The following ARHGAP15 variants were observed in gnomAD, a reference collection of about 807,000 sequenced individuals.
ARHGAP15 encodes rho GTPase-activating protein 15.
Under a neutral mutation model 63.7 loss-of-function variants are expected in ARHGAP15, and 51 were observed. That is an observed-to-expected ratio of 0.80 (90% CI 0.64 to 1.01). The LOEUF is 1.01. ARHGAP15 is among the 50% of genes least tolerant of loss of function. ARHGAP15 has a pLI of 0.00. For missense variants in ARHGAP15, 560 were observed against 564.6 expected (o/e 0.99, Z 0.08); for synonymous variants, 191 against 193.8 (o/e 0.99, Z 0.12).
At chr2:143,533,243 A>T (rs1343638668) in intron 10 of ARHGAP15, 2 of 152,210 alleles carry the variant, frequency 1.3e-5, no homozygotes, top group African/African-American at 4.8e-5. Context: ...TTTTTAACAA[A>T]TGTTGGCAGG....
chr2:143,623,330 A>ATT (rs1698714360), intron 11 of ARHGAP15, among the ~76,000 whole-genome samples: 1 of 152,090 alleles, frequency 6.6e-6, no homozygotes, highest in African/African-American at 2.4e-5. Flanking sequence ...TCATTTTGGG[A>ATT]TTTACTTTCT....
chr2:143,520,972 G>C lies in ARHGAP15; in HGVS notation c.925+1608G>C, dbSNP rs78439787. On this transcript the variant is annotated intron_variant, in intron 10 of 13. Coordinates refer to ENST00000295095, the MANE Select transcript of ARHGAP15 (RefSeq NM_018460.4). ...GCAGATATTATAATATTGCAGAGTA[G>C]AAAACGTCTATAAATAGAAACCATG... Among the ~76,000 whole-genome samples the C allele has an allele frequency of 1.7e-3, 259 of 152,260 alleles. 4 individuals carry two copies. In the East Asian group the frequency reaches 0.046, roughly 27 times the overall value.
At chr2:143,601,218 G>A (rs1338510898) in intron 11 of ARHGAP15, among the ~76,000 whole-genome samples, 3 of 151,920 alleles carry the variant, frequency 2.0e-5, no homozygotes, top group Admixed American at 2.0e-4. Flanking sequence ...TTTACAATGT[G>A]GTAGTCTCTA....
intron 12 of ARHGAP15, among the ~76,000 whole-genome samples, chr2:143,662,360 C>G (rs1681863940): frequency 6.8e-6 from 1 of 147,012 alleles, no homozygotes; most frequent in East Asian, 2.0e-4. Context: ...AGGGTCCTGT[C>G]TGTTAGAAGG....
At chr2:143,622,210 T>G (rs987500808) in intron 11 of ARHGAP15, among the ~76,000 whole-genome samples, 1 of 152,070 alleles carries the variant, frequency 6.6e-6, no homozygotes, top group African/African-American at 2.4e-5. Flanking sequence ...GCAAAGTGCT[T>G]AAAAGATAAA....
At chr2:143,152,533 T>C (rs1157275495) in intron 1 of ARHGAP15, among the ~76,000 whole-genome samples, 12 of 152,134 alleles carry the variant, frequency 7.9e-5, no homozygotes, top group Non-Finnish European at 1.5e-5. Context: ...GGGCACTTGA[T>C]AAAGATTATC....
chr2:143,497,762 T>C (rs569736857), intron 9 of ARHGAP15, among the ~76,000 whole-genome samples: 7 of 152,314 alleles, frequency 4.6e-5, no homozygotes, highest in African/African-American at 1.2e-4. Flanking sequence ...GACCTGGAGA[T>C]TGATTATTTG....
At chr2:143,575,013 T>C (rs74467920) in intron 11 of ARHGAP15, among the ~76,000 whole-genome samples, 14,926 of 152,204 alleles carry the variant, frequency 0.098, 988 homozygotes, top group South Asian at 0.21. Flanking sequence ...GATACACATA[T>C]TGAGTTTCAC....
At chr2:143,572,824 C>T (rs1443742267) in intron 11 of ARHGAP15, among the ~76,000 whole-genome samples, 5 of 152,032 alleles carry the variant, frequency 3.3e-5, no homozygotes, top group African/African-American at 9.7e-5. Flanking sequence ...AGGAATCCCT[C>T]CTAAATAAAA....
rs576538429 is a variant in ARHGAP15, at chr2:143,648,036, A to C, written c.1138+23769A>C. On this transcript the variant is annotated intron_variant, in intron 12 of 13. Transcript: ENST00000295095. ...AGTCCACTCAGAGGATTGATACTGC[A>C]GCACCCAGCTTGTTCCCTACATCTA... 1.7e-4 allele frequency among the ~76,000 whole-genome samples: 26 copies of C among 152,148 alleles called. 1 individual carries two copies. The South Asian group carries it at 5.4e-3, about 32-fold the overall frequency.
chr2:143,214,166 A>G (rs1558818273), intron 3 of ARHGAP15, among the ~76,000 whole-genome samples: 2 of 152,122 alleles, frequency 1.3e-5, no homozygotes. Flanking sequence ...TTGGGGCTAT[A>G]TTTTTAGCAG....
intron 11 of ARHGAP15, among the ~76,000 whole-genome samples, chr2:143,599,333 T>C (rs1312559031): frequency 6.6e-6 from 1 of 152,172 alleles, no homozygotes; most frequent in African/African-American, 2.4e-5. Flanking sequence ...TTGCTGTCCA[T>C]AGATGAGAGC....
At chr2:143,170,420 C>T (rs1690726225) in intron 2 of ARHGAP15, among the ~76,000 whole-genome samples, 1 of 152,082 alleles carries the variant, frequency 6.6e-6, no homozygotes, top group Non-Finnish European at 1.5e-5. Flanking sequence ...TTTGGTTAAT[C>T]CCACACCACT....
intron 8 of ARHGAP15, 133 bp downstream of exon 8, chr2:143,437,175 G>A (rs1689651552): frequency 1.8e-6 from 2 of 1,085,828 alleles, no homozygotes; most frequent in Non-Finnish European, 1.3e-6. Context: ...TCCTGGCCAG[G>A]GATTTGTGCA....
intron 9 of ARHGAP15, among the ~76,000 whole-genome samples, chr2:143,509,871 A>T (rs1364859060): frequency 1.3e-5 from 2 of 151,966 alleles, no homozygotes; most frequent in African/African-American, 4.8e-5. Context: ...AAATACAAAA[A>T]TTAGCTGGGT....
chr2:143,354,328 G>A (rs894665299), intron 6 of ARHGAP15, among the ~76,000 whole-genome samples: 3 of 152,142 alleles, frequency 2.0e-5, no homozygotes, highest in Non-Finnish European at 4.4e-5. Flanking sequence ...CTCATTGAAA[G>A]CAAAGAAGCA....
At chr2:143,205,255 TAA>T (rs71301732) in intron 3 of ARHGAP15, among the ~76,000 whole-genome samples, 29 of 85,398 alleles carry the variant, frequency 3.4e-4, no homozygotes, top group Admixed American at 3.5e-4. Context: ...CAGAGAGAGA[TAA>T]AAAAAAAAAA....
At chr2:143,704,495 G>T (rs189064986) in intron 13 of ARHGAP15, among the ~76,000 whole-genome samples, 1 of 152,292 alleles carries the variant, frequency 6.6e-6, no homozygotes, top group African/African-American at 2.4e-5. Flanking sequence ...ACTTGGGCAA[G>T]TGAAGAAGCG....
intron 6 of ARHGAP15, among the ~76,000 whole-genome samples, chr2:143,382,771 CTG>C (rs1687116686): frequency 6.6e-6 from 1 of 152,178 alleles, no homozygotes; most frequent in Non-Finnish European, 1.5e-5. Context: ...TCGCCGGCTG[CTG>C]TCTTGTCTGC....
Sources: gnomAD v4.1 joint callset for allele counts (sites outside exome capture counted in the v4.1 genomes callset) on GRCh38, gnomAD v4.1.1 for gene constraint, MANE v1.5 for transcripts, NCBI Gene and HGNC (gene_info 2026-07-23, HGNC 2026-07-21) for gene names.